Variants in EYS observed in about 807,000 individuals in gnomAD.
EYS encodes EGF-like photoreceptor maintenance factor, also known as protein eyes shut homolog.
Under a neutral mutation model 282.1 loss-of-function variants are expected in EYS, and 250 were observed. That is an observed-to-expected ratio of 0.89 (90% confidence interval 0.80 to 0.98). The LOEUF (loss-of-function observed/expected upper bound fraction) is 0.98, where lower values mean the gene tolerates loss of function less well. EYS is among the 50% of genes least tolerant of loss of function. The probability of loss-of-function intolerance (pLI) is 0.00; values close to 1 mark genes in which losing one functional copy is unlikely to be tolerated. For synonymous variants in EYS, 1,355 were observed against 1,282.9 expected, an observed-to-expected ratio of 1.06 and a Z score of -1.20; for missense variants, 4,016 against 3,709.0, an observed-to-expected ratio of 1.08 and a Z score of -2.15.
At chr6:64,558,117 A>C (rs570277686) in intron 26 of EYS, among the ~76,000 whole-genome samples, 1 of 152,272 alleles carries the variant, frequency 6.6e-6, no homozygotes, top group South Asian at 2.1e-4. Flanking sequence ...TAAGAGATGC[A>C]ACCCTGAAAA....
At chr6:65,242,697 T>C (rs565306124) in intron 12 of EYS, among the ~76,000 whole-genome samples, 1 of 152,258 alleles carries the variant, frequency 6.6e-6, no homozygotes, top group African/African-American at 2.4e-5. Flanking sequence ...CTTGCCAAAA[T>C]AGTTTCCAAA....
chr6:64,012,701 G>A (rs1393377237), intron 33 of EYS, among the ~76,000 whole-genome samples: 1 of 151,978 alleles, frequency 6.6e-6, no homozygotes, highest in Non-Finnish European at 1.5e-5. Context: ...AAGTGGGATG[G>A]TTTTCATACA....
At chr6:63,935,155 T>C (rs1765019617) in intron 35 of EYS, among the ~76,000 whole-genome samples, 1 of 152,218 alleles carries the variant, frequency 6.6e-6, no homozygotes, top group Non-Finnish European at 1.5e-5. Context: ...TTTTCTGGCT[T>C]TCCCCTCCCA....
At chr6:64,805,970 A>T (rs1201713884) in intron 22 of EYS, among the ~76,000 whole-genome samples, 1 of 151,590 alleles carries the variant, frequency 6.6e-6, no homozygotes, top group African/African-American at 2.4e-5. Context: ...ATTGTAAAAA[A>T]AATCTTACAT....
intron 35 of EYS, among the ~76,000 whole-genome samples, chr6:63,884,499 A>G (rs1236209690): frequency 2.0e-5 from 3 of 152,148 alleles, no homozygotes; most frequent in Non-Finnish European, 4.4e-5. Flanking sequence ...TTGTGGTTAC[A>G]TGGTTTTGTA....
rs527318433 is a variant in EYS, at chr6:65,424,146, T to C, written c.863-18779A>G. ...GCCAAAGACTGCCAACATTTTTCTA[T>C]ACATTCGAAGTTTTACTTGCTTCTT... On this transcript the variant is annotated intron_variant, in intron 5 of 42. Transcript: ENST00000503581. Among the ~76,000 whole-genome samples, 27 of 152,158 alleles carry C rather than the reference T, an allele frequency of 1.8e-4. 1 individual carries two copies. In the Middle Eastern group the frequency reaches 0.014, roughly 77 times the overall value.
chr6:64,384,886 T>A (rs957075772), intron 29 of EYS, among the ~76,000 whole-genome samples: 12 of 152,286 alleles, frequency 7.9e-5, no homozygotes, highest in South Asian at 2.1e-4. Context: ...TGTCAGCACA[T>A]ACACATTGGA....
At chr6:65,173,286 A>G (rs766909920) in intron 12 of EYS, among the ~76,000 whole-genome samples, 7 of 151,404 alleles carry the variant, frequency 4.6e-5, no homozygotes, top group Admixed American at 1.3e-4. Context: ...GATGGTTTAT[A>G]GATCACGTTC....
At position 64,633,292 on chromosome 6, in the gene EYS, G is replaced by T. The variant is rs143289460; in HGVS notation, c.3444-7047C>A. ...AAGGACATTAACTACACCTGTCTCC[G>T]TAGTTATGAATGAATGAAACTCAAA... On this transcript the variant is annotated intron_variant, in intron 22 of 42. Transcript: ENST00000503581. Among the ~76,000 whole-genome samples, 691 of 152,190 alleles carry T rather than the reference G, an allele frequency of 4.5e-3. 4 individuals are homozygous for T. The highest frequency in any genetic ancestry group is 7.5e-3 in the Non-Finnish European group (510 of 67,980).
rs1253572595 is a variant in EYS at position 65,665,288 on chromosome 6, C to CA, written c.-447-25397dup. Among the ~76,000 whole-genome samples the CA allele has an allele frequency of 2.0e-5, 3 of 152,118 alleles. No individual in the cohort carries two copies. In the East Asian group the frequency reaches 5.8e-4, roughly 29 times the overall value. On this transcript the variant is annotated intron_variant, in intron 1 of 42. Transcript: ENST00000503581. ...TGCTATGAGATGTTCTTAAATCCCT[C>CA]ACATAATTGCACCAGGAAGTATACT...
intron 30 of EYS, among the ~76,000 whole-genome samples, chr6:64,257,596 A>C (rs936006459): frequency 6.6e-6 from 1 of 152,080 alleles, no homozygotes; most frequent in Non-Finnish European, 1.5e-5. Flanking sequence ...TCCAGTATAA[A>C]GTGATACACA....
At chr6:64,007,853 C>G (rs188760283) in intron 33 of EYS, among the ~76,000 whole-genome samples, 1 of 151,920 alleles carries the variant, frequency 6.6e-6, no homozygotes, top group Non-Finnish European at 1.5e-5. Context: ...TCTAATAGTA[C>G]GGTTGGTATG....
At chr6:65,255,183 A>G (rs1269311541) in intron 12 of EYS, among the ~76,000 whole-genome samples, 1 of 151,988 alleles carries the variant, frequency 6.6e-6, no homozygotes, top group African/African-American at 2.4e-5. Context: ...AAACAAACAT[A>G]GACCAATGGA....
chr6:64,648,395 T>C (rs1017568721), intron 22 of EYS, among the ~76,000 whole-genome samples: 18 of 152,220 alleles, frequency 1.2e-4, no homozygotes, highest in African/African-American at 4.3e-4. Context: ...CTATTATTTC[T>C]GTCTCTATTG....
chr6:65,034,169 C>G (rs1391662317), intron 13 of EYS, among the ~76,000 whole-genome samples: 1 of 152,116 alleles, frequency 6.6e-6, no homozygotes, highest in Non-Finnish European at 1.5e-5. Flanking sequence ...ATGCCTATAC[C>G]CCCATTGTAT....
intron 4 of EYS, chr6:65,491,511 T>A (rs1247912565): frequency 2.8e-6 from 1 of 360,672 alleles, no homozygotes; most frequent in African/African-American, 2.1e-5. Context: ...TTATCATTGA[T>A]GTCTTTCAAA....
At chr6:64,432,518 T>A (rs1440768643) in intron 28 of EYS, among the ~76,000 whole-genome samples, 1 of 150,894 alleles carries the variant, frequency 6.6e-6, no homozygotes, top group East Asian at 1.9e-4. Flanking sequence ...TATGTTAATA[T>A]AATTATGTTT....
intron 22 of EYS, among the ~76,000 whole-genome samples, chr6:64,725,184 T>C (rs1447459134): frequency 6.6e-6 from 1 of 152,182 alleles, no homozygotes; most frequent in Non-Finnish European, 1.5e-5. Flanking sequence ...ATGTAGGATA[T>C]TAATAGTTCC....
At chr6:65,026,382 A>G (rs1246886101) in intron 13 of EYS, among the ~76,000 whole-genome samples, 1 of 152,192 alleles carries the variant, frequency 6.6e-6, no homozygotes, top group Non-Finnish European at 1.5e-5. Flanking sequence ...TAACAGAAGC[A>G]TAAAAGTAAT....
Sources: allele counts gnomAD v4.1 joint callset (sites outside exome capture counted in the v4.1 genomes callset), GRCh38; gene constraint gnomAD v4.1.1; transcripts MANE v1.5; gene names NCBI Gene and HGNC (gene_info 2026-07-23, HGNC 2026-07-21).